ATP6V1C2: variants seen among roughly 807,000 people sequenced by gnomAD.
ATP6V1C2 encodes V-type proton ATPase subunit C 2.
ATP6V1C2 carries 45 observed loss-of-function variants against 56.8 expected under a neutral mutation model. That is an observed-to-expected ratio of 0.79 (90% confidence interval 0.62 to 1.02). The LOEUF is 1.02. ATP6V1C2 is among the 50% of genes least tolerant of loss of function. The probability of loss-of-function intolerance (pLI) is 0.00; values close to 1 mark genes in which losing one functional copy is unlikely to be tolerated. For synonymous variants in ATP6V1C2, 220 were observed against 201.3 expected (o/e 1.09, Z -0.79); for missense variants, 463 against 519.7 (o/e 0.89, Z 1.06).
rs1244205045 is a variant in ATP6V1C2 at position 10,783,980 on chromosome 2, CAG to C, written c.*723_*724del. The C allele has an allele frequency of 1.9e-5, 5 of 269,638 alleles. No individual in the cohort carries two copies. Among genetic ancestry groups the C allele is most frequent in the Non-Finnish European group, 3.5e-5 (5 of 144,886 alleles). 16.7% of individuals were successfully genotyped at this position (269,638 alleles called of 1,614,324 possible). On this transcript the variant is annotated 3_prime_UTR_variant, in exon 14 of 14. Transcript: ENST00000272238. ...CCTCCAAGAACATTCAAGCAGCAGT[CAG>C]AGAGAAAAATGTTTCGACAGCCAAG...
chr2:10,754,048 C>A lies in ATP6V1C2; in HGVS notation c.265C>A (p.His89Asn), dbSNP rs767922434. The change falls in exon 4 of 14, where the codon CAC (histidine) becomes AAC (asparagine). Residue 89 changes from histidine (H) to asparagine (N), a missense_variant. His to Asn is a moderately conservative substitution (Grantham distance 68, BLOSUM62 1). Transcript: ENST00000272238. ...MEDSKGKVQE[H>N]LLANGVDLTS... ...GGACTCAAAGGGGAAGGTCCAGGAG[C>A]ACCTCCTGGCAAACGGAGGTAGGTA... 1.2e-6 allele frequency: 2 copies of A among 1,603,970 alleles called. No homozygotes were observed. Among genetic ancestry groups the A allele is most frequent in the Admixed American group, 1.7e-5 (1 of 59,262 alleles).
At chr2:10,757,369 T>C (rs988015086) in intron 4 of ATP6V1C2, 3 of 398,248 alleles carry the variant, frequency 7.5e-6, no homozygotes, top group Admixed American at 4.4e-5. Context: ...CTACCCCACC[T>C]GTGATCTTGG....
chr2:10,755,837 G>T (rs1300102266), intron 4 of ATP6V1C2, among the ~76,000 whole-genome samples: 1 of 152,228 alleles, frequency 6.6e-6, no homozygotes, highest in African/African-American at 2.4e-5. Context: ...AAGGCTTCCT[G>T]CAGTGCAGTC....
intron 3 of ATP6V1C2, among the ~76,000 whole-genome samples, chr2:10,742,566 C>T (rs903827196): frequency 6.6e-6 from 1 of 152,202 alleles, no homozygotes; most frequent in Non-Finnish European, 1.5e-5. Context: ...CCGCCGGCTG[C>T]TCCTCTCCCC....
chr2:10,770,997 C>T (rs1011440795), intron 6 of ATP6V1C2, among the ~76,000 whole-genome samples: 1 of 152,170 alleles, frequency 6.6e-6, no homozygotes, highest in East Asian at 1.9e-4. Flanking sequence ...GTAAGGGTAA[C>T]GTGTTCAGTG....
At chr2:10,768,033 G>A (rs1198844) in intron 5 of ATP6V1C2, 122,208 of 152,134 alleles carry the variant, frequency 0.8, 49,281 homozygotes, top group East Asian at 0.94. Context: ...AGATTCTCCC[G>A]TCAGCAGCCG....
rs79263734 is a variant in ATP6V1C2 at position 10,753,673 on chromosome 2, G to A, written c.198-308G>A. 3.2e-4 allele frequency among the ~76,000 whole-genome samples: 48 copies of A among 151,476 alleles called. No homozygotes were observed. In the East Asian group the frequency reaches 9.0e-3, roughly 28 times the overall value. ...CGGCCTCCCAAGTAGCTGGGACTAC[G>A]GCGCCCACCACCATGCCTGGCTAAT... On this transcript the variant is annotated intron_variant, in intron 3 of 13. Transcript: ENST00000272238.
intron 4 of ATP6V1C2, among the ~76,000 whole-genome samples, chr2:10,758,162 G>T (rs1489570044): frequency 6.6e-6 from 1 of 152,146 alleles, no homozygotes; most frequent in Non-Finnish European, 1.5e-5. Flanking sequence ...CACTCCTCGG[G>T]CCCGGGACTG....
intron 12 of ATP6V1C2, among the ~76,000 whole-genome samples, chr2:10,781,555 G>A (rs890995547): frequency 4.6e-5 from 7 of 152,110 alleles, no homozygotes; most frequent in Non-Finnish European, 8.8e-5. Context: ...TGGCAGCCCC[G>A]TCTGCACAGA....
At chr2:10,729,700 A>G (rs1008301065) in intron 3 of ATP6V1C2, among the ~76,000 whole-genome samples, 1 of 152,190 alleles carries the variant, frequency 6.6e-6, no homozygotes, top group Non-Finnish European at 1.5e-5. Context: ...TACAAAAAGT[A>G]AAAAATACTA....
chr2:10,756,993 C>CTATAAAT, intron 4 of ATP6V1C2, among the ~76,000 whole-genome samples: 1 of 131,594 alleles, frequency 7.6e-6, no homozygotes, highest in Non-Finnish European at 1.6e-5. Flanking sequence ...CTCTTGAAAA[C>CTATAAAT]ATGAGGAGAC....
intron 4 of ATP6V1C2, among the ~76,000 whole-genome samples, chr2:10,761,659 G>A (rs1663914516): frequency 6.6e-6 from 1 of 152,204 alleles, no homozygotes; most frequent in Non-Finnish European, 1.5e-5. Flanking sequence ...TGCCTGGCTT[G>A]TAGACGGCCA....
intron 5 of ATP6V1C2, 67 bp downstream of exon 5, chr2:10,764,492 G>C (rs1206061932): frequency 7.3e-7 from 1 of 1,374,266 alleles, no homozygotes; most frequent in Non-Finnish European, 1.0e-6. Flanking sequence ...CCTGGGTAGG[G>C]CCCCCCTGCC....
In ATP6V1C2 at chr2:10,784,094, C is replaced by G; in HGVS notation, c.*831C>G. 6.7e-6 allele frequency: 3 copies of G among 449,582 alleles called. No individual in the cohort carries two copies. The highest frequency in any genetic ancestry group is 1.2e-4 in the South Asian group (2 of 16,398). The allele number at this position is 449,582 out of a possible 1,614,324, so 27.8% of individuals were successfully genotyped here. A position where few individuals can be genotyped will look rare whatever the true frequency, so the allele number is the denominator to read the frequency against. The stretch of plus-strand genomic sequence containing the variant: ...AATTTTTCAATGTTTTCTTGAGATG[C>G]AAAAGTTCACTGTTGCAGTGTTTTC... On this transcript the variant is annotated 3_prime_UTR_variant, in exon 14 of 14. Transcript: ENST00000272238.
rs951906281 is a variant in ATP6V1C2, at chr2:10,783,561, T to C, written c.*298T>C. On this transcript the variant is annotated 3_prime_UTR_variant, in exon 14 of 14. Transcript: ENST00000272238. The stretch of plus-strand genomic sequence containing the variant: ...TCATGTCTTAACGGCTATTTTGAGG[T>C]TCATTAACAACATAGAAAGCCTTGA... The C allele has an allele frequency of 2.8e-5, 8 of 289,450 alleles. No homozygotes were observed. Among genetic ancestry groups the C allele is most frequent in the Non-Finnish European group, 5.3e-5 (8 of 150,962 alleles). The allele number at this position is 289,450 out of a possible 1,614,324, so 17.9% of individuals were successfully genotyped here. A position where few individuals can be genotyped will look rare whatever the true frequency, so the allele number is the denominator to read the frequency against.
intron 10 of ATP6V1C2, 90 bp from the exon 11 acceptor site, chr2:10,777,495 C>A: frequency 6.6e-7 from 1 of 1,525,748 alleles, no homozygotes; most frequent in Non-Finnish European, 8.9e-7. Context: ...CCTGAGCTTG[C>A]TCTCGCGTGC....
At position 10,782,351 on chromosome 2, in the gene ATP6V1C2, A is replaced by G. The variant is rs769222483; in HGVS notation, c.1170A>G (p.Glu390=). The G allele has an allele frequency of 1.2e-6, 2 of 1,614,182 alleles. No individual in the cohort carries two copies. The highest frequency in any genetic ancestry group is 1.7e-6 in the Non-Finnish European group (2 of 1,180,024). The change falls in exon 13 of 14, where the codon GAA becomes GAG. Residue 390 remains glutamate (E), a synonymous_variant. Coordinates refer to ENST00000272238, the MANE Select transcript of ATP6V1C2 (RefSeq NM_001039362.2). ...ACTCTGTCTTCCGACATCTGGATGA[A>G]GTAGCCGCTACAAGTATACTGGATG... ...VLNSVFRHLD[E]VAATSILDAS... is the part of the protein sequence containing the mutation.
chr2:10,749,853 A>G (rs759931272), intron 3 of ATP6V1C2, among the ~76,000 whole-genome samples: 2 of 152,230 alleles, frequency 1.3e-5, no homozygotes, highest in Non-Finnish European at 2.9e-5. Flanking sequence ...CAAAGTGACA[A>G]TAACTCAAAT....
intron 2 of ATP6V1C2, among the ~76,000 whole-genome samples, chr2:10,725,343 A>G (rs1661579730): frequency 6.6e-6 from 1 of 151,510 alleles, no homozygotes; most frequent in African/African-American, 2.4e-5. Flanking sequence ...TGAACCTGGG[A>G]GGTGGAGGTT....
Sources: allele counts gnomAD v4.1 joint callset (sites outside exome capture counted in the v4.1 genomes callset), GRCh38; gene constraint gnomAD v4.1.1; transcripts MANE v1.5; gene names NCBI Gene and HGNC (gene_info 2026-07-23, HGNC 2026-07-21).